Variants in CFAP54 observed in about 807,000 individuals in gnomAD.
CFAP54 encodes the protein cilia and flagella associated protein 54, also known as cilia- and flagella-associated protein 54.
Under a neutral mutation model 370.4 loss-of-function variants are expected in CFAP54, and 290 were observed. The observed-to-expected ratio is 0.78, with a 90% CI of 0.71 to 0.86. The LOEUF (loss-of-function observed/expected upper bound fraction) is 0.86, where lower values mean the gene tolerates loss of function less well. Among genes scored for constraint, CFAP54 ranks in the 40% least tolerant of loss-of-function variants. The probability of loss-of-function intolerance (pLI) is 0.00; values close to 1 mark genes in which losing one functional copy is unlikely to be tolerated. For missense variants in CFAP54, 3,399 were observed against 3,528.7 expected (o/e 0.96, Z 0.93); for synonymous variants, 1,206 against 1,236.5 (o/e 0.98, Z 0.52).
intron 66 of CFAP54, among the ~76,000 whole-genome samples, chr12:96,849,479 G>C (rs1381368007): frequency 3.9e-5 from 6 of 152,162 alleles, no homozygotes; most frequent in African/African-American, 1.4e-4. Flanking sequence ...GAAGGAAGAG[G>C]CCTCAGAGTA....
At chr12:96,847,234 C>T (rs1181443688) in intron 66 of CFAP54, among the ~76,000 whole-genome samples, 2 of 152,060 alleles carry the variant, frequency 1.3e-5, no homozygotes, top group Non-Finnish European at 1.5e-5. Context: ...TGCCCTCTCC[C>T]AGTGAGCCGC....
chr12:96,746,672 C>T (rs1350954666), intron 55 of CFAP54, among the ~76,000 whole-genome samples: 1 of 152,154 alleles, frequency 6.6e-6, no homozygotes, highest in African/African-American at 2.4e-5. Flanking sequence ...ATGATGTGGT[C>T]CAAGCTGACC....
intron 66 of CFAP54, among the ~76,000 whole-genome samples, chr12:96,843,495 A>T (rs1411720199): frequency 6.6e-6 from 1 of 152,200 alleles, no homozygotes; most frequent in Admixed American, 6.5e-5. Context: ...CCAGTGCATA[A>T]GTTGTAGTTG....
chr12:96,803,756 G>A (rs111913237), intron 63 of CFAP54, among the ~76,000 whole-genome samples: 17 of 152,164 alleles, frequency 1.1e-4, no homozygotes, highest in African/African-American at 3.9e-4. Flanking sequence ...CCCTACAAAA[G>A]CAATTTCATA....
intron 60 of CFAP54, among the ~76,000 whole-genome samples, chr12:96,777,307 G>A (rs887944692): frequency 3.3e-5 from 5 of 151,672 alleles, no homozygotes; most frequent in Non-Finnish European, 7.4e-5. Context: ...AGGGTCAGTA[G>A]TTAATAACAT....
chr12:96,704,917 CT>C (rs916951863), intron 47 of CFAP54, 121 bp downstream of exon 47: 88 of 343,368 alleles, frequency 2.6e-4, no homozygotes, highest in Middle Eastern at 1.3e-3. Context: ...ATATTCTTTT[CT>C]TTTTTTTTCC....
chr12:96,545,498 C>CAAAAAAAAAA (rs916198738), intron 14 of CFAP54, among the ~76,000 whole-genome samples: 1 of 150,092 alleles, frequency 6.7e-6, no homozygotes, highest in Non-Finnish European at 1.5e-5. Context: ...AATATATTTC[C>CAAAAAAAAAA]AAAAAAAAAT....
At chr12:96,785,849 G>A (rs1431842906) in intron 61 of CFAP54, among the ~76,000 whole-genome samples, 1 of 152,210 alleles carries the variant, frequency 6.6e-6, no homozygotes, top group East Asian at 1.9e-4. Flanking sequence ...CAGCTATTGA[G>A]GTAGGGAGCT....
rs1957040656 is a variant in CFAP54 at position 96,664,689 on chromosome 12, GTATATATCTATATATATA to G, written c.5563+775_5563+792del. On this transcript the variant is annotated intron_variant, in intron 39 of 67. Transcript: ENST00000524981. Reference sequence around the variant, plus strand: ...AATAGAACAATTTATATTCCTTTGGGTATATATCTATATATATATATATATCTATATATATCTATATAT... The same window carrying G: ...AATAGAACAATTTATATTCCTTTGGGTATATATCTATATATATCTATATAT... Among the ~76,000 whole-genome samples, 27 of 26,298 alleles carry G rather than the reference GTATATATCTATATATATA, an allele frequency of 1.0e-3. 2 individuals carry two copies. The highest frequency in any genetic ancestry group is 1.8e-3 in the Non-Finnish European group (27 of 15,030). The allele number at this position is 26,298 out of a possible 152,430, so 17.3% of individuals were successfully genotyped here. A position where few individuals can be genotyped will look rare whatever the true frequency, so the allele number is the denominator to read the frequency against.
At chr12:96,764,599 G>C (rs11108689) in intron 59 of CFAP54, among the ~76,000 whole-genome samples, 55,251 of 151,886 alleles carry the variant, frequency 0.36, 10,802 homozygotes, top group East Asian at 0.58. Context: ...CCAGGCTGGG[G>C]AACAGAGTGA....
chr12:96,500,869 C>A lies in CFAP54; in HGVS notation c.353C>A (p.Ala118Asp). 1.3e-6 allele frequency: 2 copies of A among 1,535,286 alleles called. No homozygotes were observed. Among genetic ancestry groups the A allele is most frequent in the Non-Finnish European group, 1.7e-6 (2 of 1,146,372 alleles). Residue 118 changes from alanine (A) to aspartate (D), a missense_variant, in exon 2 of 68, where the codon GCC becomes GAC. Physicochemically the swap from Ala to Asp is moderately radical, Grantham distance 126. This residue lies in a region of CFAP54 where 559 missense variants were observed against 576.7 expected (regional missense o/e 0.97). Transcript: ENST00000524981. Reference protein sequence around the residue: ...TSLFNIWTKYAPRLPADYYNE... With the variant: ...TSLFNIWTKYDPRLPADYYNE... ...TTGTTTAATATCTGGACTAAATACG[C>A]CCCCAGGCTGCCAGCAGACTATTAC...
chr12:96,494,141 C>T (rs916372373), intron 1 of CFAP54, among the ~76,000 whole-genome samples: 4 of 151,966 alleles, frequency 2.6e-5, no homozygotes, highest in East Asian at 1.9e-4. Context: ...ATTCCTACTT[C>T]GGAGGAATGG....
intron 19 of CFAP54, chr12:96,565,185 T>C (rs910116598): frequency 1.3e-5 from 2 of 152,576 alleles, no homozygotes; most frequent in African/African-American, 4.8e-5. Flanking sequence ...CGGGTCTCAC[T>C]CTGGCCTGGA....
chr12:96,503,857 A>G lies in CFAP54; in HGVS notation c.424-29A>G, dbSNP rs1248932418. On this transcript the variant is annotated intron_variant, in intron 2 of 67. Transcript: ENST00000524981. Reference sequence around the variant, plus strand: ...ATGATAAGCTAAATGATATTTTGGAACTTTAATCAAGTACTCCTTTTGTTT... The same window carrying G: ...ATGATAAGCTAAATGATATTTTGGAGCTTTAATCAAGTACTCCTTTTGTTT... 18 of 1,454,402 alleles carry G rather than the reference A, an allele frequency of 1.2e-5. No individual in the cohort carries two copies. The South Asian group carries it at 1.8e-4, about 15-fold the overall frequency. The allele number at this position is 1,454,402 out of a possible 1,614,324, so 90.1% of individuals were successfully genotyped here.
intron 38 of CFAP54, among the ~76,000 whole-genome samples, chr12:96,663,481 G>A (rs943119857): frequency 4.6e-4 from 27 of 58,628 alleles, no homozygotes; most frequent in African/African-American, 2.4e-3. Flanking sequence ...ATTATAAGTA[G>A]GGTGGAAAAA....
At chr12:96,699,716 G>A (rs1000496525) in intron 45 of CFAP54, among the ~76,000 whole-genome samples, 2 of 152,044 alleles carry the variant, frequency 1.3e-5, no homozygotes, top group South Asian at 2.1e-4. Context: ...AGTAAGCAGC[G>A]TCTGATAAAT....
chr12:96,586,035 G>A (rs763216270), intron 22 of CFAP54, among the ~76,000 whole-genome samples: 1 of 152,110 alleles, frequency 6.6e-6, no homozygotes, highest in Non-Finnish European at 1.5e-5. Flanking sequence ...TGTGGGTAGA[G>A]GGATATTATC....
chr12:96,827,775 T>C lies in CFAP54; in HGVS notation c.9097-1239T>C, dbSNP rs1241766689. 6.7e-5 allele frequency among the ~76,000 whole-genome samples: 5 copies of C among 74,640 alleles called. No homozygotes were observed. In the East Asian group the frequency reaches 1.5e-3, roughly 22 times the overall value. The allele number at this position is 74,640 out of a possible 152,430, so 49.0% of individuals were successfully genotyped here. On this transcript the variant is annotated intron_variant, in intron 65 of 67. Transcript: ENST00000524981. ...ACATAGTAACATATTATATTATATATAGTTATATATAATATATAATTATAT... is the reference window on the plus strand; with the variant it reads ...ACATAGTAACATATTATATTATATACAGTTATATATAATATATAATTATAT...
At chr12:96,638,247 A>G (rs370855413) in intron 32 of CFAP54, among the ~76,000 whole-genome samples, 40,815 of 127,632 alleles carry the variant, frequency 0.32, 6,738 homozygotes, top group Admixed American at 0.42. Flanking sequence ...GTGTGTATAT[A>G]TATATATATT....
Sources: allele counts gnomAD v4.1 joint callset (sites outside exome capture counted in the v4.1 genomes callset), GRCh38; gene constraint gnomAD v4.1.1; regional missense constraint gnomAD v4.1.1; transcripts MANE v1.5; gene names NCBI Gene and HGNC (gene_info 2026-07-23, HGNC 2026-07-21).